The following IHO1 variants were observed in gnomAD, a reference collection of about 807,000 sequenced individuals.
IHO1 encodes interactor of HORMAD1 1, also known as interactor of HORMAD1 protein 1.
Under a neutral mutation model 31.0 loss-of-function variants are expected in IHO1, and 13 were observed. The ratio of observed to expected loss-of-function variants is 0.42; its 90% CI spans 0.27 to 0.67. IHO1 has a LOEUF of 0.67. IHO1 is among the 30% of genes least tolerant of loss of function. The pLI, the probability that IHO1 is intolerant of heterozygous loss-of-function variation, is 0.24. For missense variants in IHO1, 599 were observed against 687.5 expected (o/e 0.87, Z 1.44); for synonymous variants, 221 against 248.4 (o/e 0.89, Z 1.04).
chr3:49,193,655 CAAAAAAA>C (rs71077770), upstream of IHO1, among the ~76,000 whole-genome samples: 179 of 25,004 alleles, frequency 7.2e-3, 2 homozygotes, highest in African/African-American at 0.034. Flanking sequence ...GAGACTCTAC[CAAAAAAA>C]AAAAAAAAAA....
At chr3:49,194,421 A>G (rs573840947), upstream of IHO1, among the ~76,000 whole-genome samples, 9 of 143,718 alleles carry the variant, frequency 6.3e-5, no homozygotes, top group South Asian at 2.1e-3. Flanking sequence ...CTCCTGCCTC[A>G]GCCTCCTGAG....
chr3:49,250,160 G>A (rs1172799218), intron 6 of IHO1, among the ~76,000 whole-genome samples: 1 of 152,090 alleles, frequency 6.6e-6, no homozygotes, highest in African/African-American at 2.4e-5. Context: ...ATACAGATAT[G>A]CACACGTATT....
At chr3:49,211,606 A>T (rs2046216914) in intron 1 of IHO1, among the ~76,000 whole-genome samples, 160 bp from the exon 2 acceptor site, 1 of 151,064 alleles carries the variant, frequency 6.6e-6, no homozygotes, top group South Asian at 2.1e-4. Flanking sequence ...CTGGGTGACA[A>T]GAGCAAAACT....
At position 49,235,393 on chromosome 3, in the gene IHO1, A is replaced by AT. The variant is rs911243527; in HGVS notation, c.57-1148dup. Among the ~76,000 whole-genome samples, 8 of 150,558 alleles carry AT rather than the reference A, an allele frequency of 5.3e-5. No individual in the cohort carries two copies. The East Asian group carries it at 8.1e-4, about 15-fold the overall frequency. ...AGGCACCCACCATCAGGCCTGGCTA[A>AT]TTTTTTTGTATTTTTTAGTAGAGAT... On this transcript the variant is annotated intron_variant, in intron 2 of 7. Coordinates refer to ENST00000452691, the MANE Select transcript of IHO1 (RefSeq NM_001135197.2).
At position 49,250,394 on chromosome 3, in the gene IHO1, T is replaced by C. The variant is rs922458779; in HGVS notation, c.533-4996T>C. ...TAAAAGAGAAGACGCCAAACATATG[T>C]TGCCCTGGGGACAAGAACTGAATGT... On this transcript the variant is annotated intron_variant, in intron 6 of 7. Coordinates refer to ENST00000452691, the MANE Select transcript of IHO1 (RefSeq NM_001135197.2). 5.3e-5 allele frequency among the ~76,000 whole-genome samples: 8 copies of C among 152,188 alleles called. 1 individual carries two copies. Among genetic ancestry groups the C allele is most frequent in the African/African-American group, 1.9e-4 (8 of 41,448 alleles).
At chr3:49,205,916 C>T (rs531106980) in intron 1 of IHO1, among the ~76,000 whole-genome samples, 69 of 151,760 alleles carry the variant, frequency 4.5e-4, no homozygotes, top group African/African-American at 1.3e-3. Flanking sequence ...ACTACAGGCA[C>T]GTGCCACCAC....
intron 2 of IHO1, among the ~76,000 whole-genome samples, chr3:49,234,162 GTTTTTT>G (rs56802492): frequency 2.2e-5 from 2 of 91,916 alleles, no homozygotes; most frequent in African/African-American, 8.6e-5. Flanking sequence ...TTTTGTTGTT[GTTTTTT>G]TTTTTTTTTT....
chr3:49,214,617 TATATATA>T (rs2046263009), intron 2 of IHO1, among the ~76,000 whole-genome samples: 4 of 31,082 alleles, frequency 1.3e-4, no homozygotes, highest in African/African-American at 4.2e-4. Flanking sequence ...CATATATATA[TATATATA>T]TATATATATT....
chr3:49,249,826 C>G (rs943707739), intron 6 of IHO1, among the ~76,000 whole-genome samples: 1 of 152,128 alleles, frequency 6.6e-6, no homozygotes. Flanking sequence ...AGGAGGCTGC[C>G]AGATCTTTTG....
At chr3:49,191,744 C>G in the IHO1 span, 1 of 1,586,284 alleles carries the variant, frequency 6.3e-7, no homozygotes, top group Non-Finnish European at 8.5e-7. Flanking sequence ...TGCACTCTTA[C>G]CCAGGAGCCT....
At chr3:49,195,565 T>C (rs1249349271), upstream of IHO1, among the ~76,000 whole-genome samples, 1 of 144,146 alleles carries the variant, frequency 6.9e-6, no homozygotes, top group Non-Finnish European at 1.5e-5. Context: ...GACAAAAAAA[T>C]TAGCTGGGTG....
intron 3 of IHO1, among the ~76,000 whole-genome samples, chr3:49,237,699 TTTTA>T (rs975720532): frequency 1.5e-4 from 23 of 151,742 alleles, no homozygotes; most frequent in African/African-American, 5.6e-4. Flanking sequence ...AAATAACAAA[TTTTA>T]TTTTAGACAG....
intron 2 of IHO1, among the ~76,000 whole-genome samples, chr3:49,223,438 T>C (rs1156870325): frequency 6.6e-6 from 1 of 152,120 alleles, no homozygotes; most frequent in Non-Finnish European, 1.5e-5. Flanking sequence ...ATGCCTGTAA[T>C]CCCAGCACTT....
intron 2 of IHO1, among the ~76,000 whole-genome samples, chr3:49,233,597 T>A (rs780023074): frequency 6.6e-6 from 1 of 152,208 alleles, no homozygotes; most frequent in Non-Finnish European, 1.5e-5. Context: ...CTTTGTATAG[T>A]CTGCAGATGC....
intron 2 of IHO1, among the ~76,000 whole-genome samples, chr3:49,216,074 A>G (rs760168091): frequency 3.3e-5 from 5 of 152,176 alleles, no homozygotes; most frequent in African/African-American, 4.8e-5. Flanking sequence ...TTGGCTCACA[A>G]TATGTACTTA....
intron 6 of IHO1, among the ~76,000 whole-genome samples, chr3:49,248,379 A>G (rs1294989900): frequency 6.6e-6 from 1 of 152,164 alleles, no homozygotes; most frequent in Non-Finnish European, 1.5e-5. Context: ...AGATCCTGCC[A>G]CTGCACTCCA....
At chr3:49,206,444 G>A (rs1281127291) in intron 1 of IHO1, among the ~76,000 whole-genome samples, 2 of 150,212 alleles carry the variant, frequency 1.3e-5, no homozygotes, top group South Asian at 4.2e-4. Flanking sequence ...TGGCCAGGCT[G>A]GTCTCGAACT....
intron 3 of IHO1, 57 bp from the exon 4 acceptor site, chr3:49,241,169 G>A: frequency 7.1e-7 from 1 of 1,411,838 alleles, no homozygotes; most frequent in East Asian, 2.4e-5. Context: ...ACAGAAAATA[G>A]TGAATGCTAT....
Position 49,257,208 on chromosome 3 carries a change from C to A in IHO1, c.1711C>A (p.Pro571Thr). The change falls in exon 8 of 8, where the codon CCT (proline) becomes ACT (threonine). Residue 571 changes from proline (P) to threonine (T), a missense_variant. Pro to Thr is a conservative substitution (Grantham distance 38, BLOSUM62 -1). Coordinates refer to ENST00000452691, the MANE Select transcript of IHO1 (RefSeq NM_001135197.2). ...CCTCAATCTCGGATGTTCAGAGACC[C>A]CTCTATGCAAGGAGGCAGGAAAGAA... The part of the protein sequence containing the change: ...SDLNLGCSET[P>T]LCKEAGKNLL... The A allele has an allele frequency of 6.2e-7, 1 of 1,614,136 alleles. No individual in the cohort carries two copies. Among genetic ancestry groups the A allele is most frequent in the South Asian group, 1.1e-5 (1 of 91,078 alleles).
Sources: gnomAD v4.1 joint callset for allele counts (sites outside exome capture counted in the v4.1 genomes callset) on GRCh38, gnomAD v4.1.1 for gene constraint, MANE v1.5 for transcripts, NCBI Gene and HGNC (gene_info 2026-07-23, HGNC 2026-07-21) for gene names.